The following ZNF718 variants were observed in gnomAD, a reference collection of about 807,000 sequenced individuals.
ZNF718 encodes zinc finger protein 718.
In ZNF718, 3 loss-of-function variants were observed where a neutral mutation model predicts 2.6. The observed-to-expected ratio is 1.16, with a 90% CI of 0.53 to 3.01. The LOEUF is 3.01. Ranked by LOEUF, ZNF718 falls within the 30% of genes most tolerant of loss-of-function variation. The pLI is 0.03. For synonymous variants in ZNF718, 135 were observed against 77.9 expected, an observed-to-expected ratio of 1.73 and a Z score of -3.86; for missense variants, 468 against 230.0, an observed-to-expected ratio of 2.03 and a Z score of -6.69.
intron 3 of ZNF718, among the ~76,000 whole-genome samples, chr4:178,745 T>A (rs907622648): frequency 6.6e-6 from 1 of 152,240 alleles, no homozygotes; most frequent in Non-Finnish European, 1.5e-5. Flanking sequence ...ATCAAGATAT[T>A]CACTATTGGT....
intron 3 of ZNF718, among the ~76,000 whole-genome samples, chr4:187,983 G>A (rs1581482880): frequency 6.6e-6 from 1 of 152,254 alleles, no homozygotes; most frequent in African/African-American, 2.4e-5. Flanking sequence ...GCCCAGCAAG[G>A]AAAAATGGAT....
At chr4:155,791 T>G (rs1553813565) in intron 3 of ZNF718, among the ~76,000 whole-genome samples, 1 of 152,034 alleles carries the variant, frequency 6.6e-6, no homozygotes, top group African/African-American at 2.4e-5. Flanking sequence ...TTTTGAAATG[T>G]GAGGACATGA....
intron 3 of ZNF718, 34 bp from the exon 4 acceptor site, chr4:160,877 TA>T: frequency 1.4e-6 from 1 of 724,346 alleles, no homozygotes; most frequent in Non-Finnish European, 2.5e-6. Flanking sequence ...ATGAATCTAG[TA>T]AGTGGGATAA....
intron 3 of ZNF718, among the ~76,000 whole-genome samples, chr4:145,031 C>T (rs1388929857): frequency 6.6e-6 from 1 of 151,566 alleles, no homozygotes; most frequent in Non-Finnish European, 1.5e-5. Context: ...TTTTCATCTT[C>T]GAACCACTAA....
rs140300438 is a variant in ZNF718, at chr4:163,686, C to T, written c.*1564C>T. On this transcript the variant is annotated 3_prime_UTR_variant, in exon 4 of 4. Coordinates refer to ENST00000510175, the MANE Select transcript of ZNF718 (RefSeq NM_001039127.6). Reference sequence around the variant, plus strand: ...ATAAAATACAGTAAATTTTAAAATTCTCTTTTAAGATTGTGTGTGAACCTT... The same window carrying T: ...ATAAAATACAGTAAATTTTAAAATTTTCTTTTAAGATTGTGTGTGAACCTT... 6.6e-6 allele frequency: 1 copy of T among 151,958 alleles called. No homozygotes were observed. The highest frequency in any genetic ancestry group is 1.5e-5 in the Non-Finnish European group (1 of 67,998). The allele number at this position is 151,958 out of a possible 1,614,324, so 9.4% of individuals were successfully genotyped here. A position where few individuals can be genotyped will look rare whatever the true frequency, so the allele number is the denominator to read the frequency against.
intron 3 of ZNF718, among the ~76,000 whole-genome samples, chr4:157,551 C>T (rs1480542177): frequency 2.6e-5 from 4 of 152,144 alleles, no homozygotes; most frequent in African/African-American, 9.7e-5. Context: ...CTGATTATTA[C>T]ATTCAACAGT....
chr4:166,964 C>G (rs1338884272), downstream of ZNF718, among the ~76,000 whole-genome samples: 1 of 152,138 alleles, frequency 6.6e-6, no homozygotes, highest in Non-Finnish European at 1.5e-5. Flanking sequence ...AGGTTTTCTT[C>G]TAGGGTTTTT....
chr4:154,361 G>T (rs1295494291), intron 3 of ZNF718, among the ~76,000 whole-genome samples: 2 of 152,202 alleles, frequency 1.3e-5, no homozygotes, highest in Non-Finnish European at 2.9e-5. Flanking sequence ...ACAGGCAGAG[G>T]TTGGAACAGC....
intron 3 of ZNF718, chr4:142,156 A>G (rs1715839911): frequency 2.3e-6 from 1 of 428,050 alleles, no homozygotes; most frequent in Admixed American, 2.5e-5. Flanking sequence ...CCTTGAGGTG[A>G]AGCTAACCAG....
intron 3 of ZNF718, among the ~76,000 whole-genome samples, chr4:135,318 C>T (rs142812995): frequency 1.7e-3 from 260 of 151,100 alleles, no homozygotes; most frequent in African/African-American, 5.9e-3. Flanking sequence ...GTCTTGATGA[C>T]GTGTGCCCAA....
intron 3 of ZNF718, among the ~76,000 whole-genome samples, chr4:158,335 A>G (rs144736237): frequency 1.0e-3 from 157 of 152,158 alleles, no homozygotes; most frequent in Middle Eastern, 3.4e-3. Context: ...TATTCAGTGC[A>G]TGTATTTTGA....
chr4:144,178 G>A (rs778836639), intron 3 of ZNF718, among the ~76,000 whole-genome samples: 2 of 152,178 alleles, frequency 1.3e-5, no homozygotes, highest in Non-Finnish European at 2.9e-5. Context: ...GAGCCCCTAT[G>A]CTCGGGCCCG....
chr4:195,472 T>C (rs1428690517), intron 3 of ZNF718, among the ~76,000 whole-genome samples: 1 of 152,222 alleles, frequency 6.6e-6, no homozygotes, highest in African/African-American at 2.4e-5. Context: ...TTAAATCCCC[T>C]GTTAGGAAAT....
intron 3 of ZNF718, among the ~76,000 whole-genome samples, chr4:200,800 A>G (rs1481260847): frequency 1.3e-5 from 2 of 152,216 alleles, no homozygotes; most frequent in Admixed American, 6.5e-5. Flanking sequence ...AGGAAAGGCT[A>G]TTAACAACAG....
intron 3 of ZNF718, chr4:136,425 T>G (rs371975267): frequency 1.9e-6 from 1 of 521,170 alleles, no homozygotes; most frequent in Non-Finnish European, 3.8e-6. Flanking sequence ...GGACCACTTG[T>G]GTACTGTAGC....
chr4:194,319 T>C (rs376124800), intron 3 of ZNF718, among the ~76,000 whole-genome samples: 3 of 152,210 alleles, frequency 2.0e-5, no homozygotes, highest in African/African-American at 7.2e-5. Flanking sequence ...ATTTTCTTCC[T>C]TTCCCTGTGT....
chr4:131,566 C>A, intron 3 of ZNF718, 61 bp downstream of exon 3: 1 of 311,716 alleles, frequency 3.2e-6, no homozygotes, highest in Non-Finnish European at 5.7e-6. Context: ...AAGAAGGAAG[C>A]CAGGCCTTCA....
intron 3 of ZNF718, among the ~76,000 whole-genome samples, chr4:196,342 T>C (rs1717792683): frequency 6.6e-6 from 1 of 152,030 alleles, no homozygotes; most frequent in Non-Finnish European, 1.5e-5. Flanking sequence ...ATGCCTAAAT[T>C]GGGAGGGACA....
At chr4:144,907 T>TAAGA (rs1357915482) in intron 3 of ZNF718, among the ~76,000 whole-genome samples, 1 of 151,728 alleles carries the variant, frequency 6.6e-6, no homozygotes, top group Non-Finnish European at 1.5e-5. Flanking sequence ...TTTTCAAATA[T>TAAGA]AAGACCCCAT....
Sources: allele counts gnomAD v4.1 joint callset (sites outside exome capture counted in the v4.1 genomes callset), GRCh38; gene constraint gnomAD v4.1.1; transcripts MANE v1.5; gene names NCBI Gene and HGNC (gene_info 2026-07-23, HGNC 2026-07-21).